Variants in SPART observed in about 807,000 individuals in gnomAD.
SPART encodes the protein spastic paraplegia 20 (Troyer syndrome).
In SPART, 35 loss-of-function variants were observed where a neutral mutation model predicts 58.7. That is an observed-to-expected ratio of 0.60 (90% CI 0.46 to 0.79). The LOEUF (loss-of-function observed/expected upper bound fraction) is 0.79. Among genes scored for constraint, SPART ranks in the 30% least tolerant of loss-of-function variants. SPART has a pLI of 0.00. For missense variants in SPART, 730 were observed against 786.1 expected, an observed-to-expected ratio of 0.93 and a Z score of 0.85; for synonymous variants, 284 against 280.7, an observed-to-expected ratio of 1.01 and a Z score of -0.12.
At chr13:36,323,267 T>C (rs897806080) in intron 5 of SPART, among the ~76,000 whole-genome samples, 1 of 152,170 alleles carries the variant, frequency 6.6e-6, no homozygotes, top group African/African-American at 2.4e-5. Context: ...TCACAACCAC[T>C]AAAGTGTTTC....
chr13:36,322,898 A>G (rs1593243811), intron 5 of SPART, among the ~76,000 whole-genome samples: 1 of 152,224 alleles, frequency 6.6e-6, no homozygotes, highest in South Asian at 2.1e-4. Context: ...GGAAGACTGT[A>G]CTAGGCCAAT....
At chr13:36,332,947 G>C (rs1040253405) in intron 2 of SPART, among the ~76,000 whole-genome samples, 3 of 151,872 alleles carry the variant, frequency 2.0e-5, no homozygotes, top group African/African-American at 7.3e-5. Flanking sequence ...AGTAATAGCA[G>C]TGGTATAGAG....
chr13:36,329,014 T>C (rs185974711), intron 4 of SPART, among the ~76,000 whole-genome samples: 119 of 152,168 alleles, frequency 7.8e-4, no homozygotes, highest in Admixed American at 1.5e-3. Flanking sequence ...GGCAGGAGGA[T>C]CACATGAGCC....
chr13:36,314,478 AC>A (rs1449727578), intron 5 of SPART, 57 bp from the exon 6 acceptor site: 1 of 1,494,194 alleles, frequency 6.7e-7, no homozygotes, highest in African/African-American at 1.4e-5. Context: ...GCTTTTGAAC[AC>A]TTTAATAAAT....
chr13:36,341,460 A>C (rs1424664178), intron 1 of SPART, among the ~76,000 whole-genome samples: 2 of 152,232 alleles, frequency 1.3e-5, no homozygotes, highest in Non-Finnish European at 2.9e-5. Context: ...TGAAGTCTTC[A>C]AAACTCAGTA....
rs202241961 is a variant in SPART, at chr13:36,358,120, GA to G, written c.-3+11968del. On this transcript the variant is annotated intron_variant, in intron 1 of 8. Transcript: ENST00000355182. ...TTCATAAGCAAAGTCACTATTCATA[GA>G]AAAAAAAAGAAAAACCTGCTATTTT... is the stretch of plus-strand genomic sequence containing the variant. Among the ~76,000 whole-genome samples the G allele has an allele frequency of 1.9e-4, 29 of 150,024 alleles. No homozygotes were observed. The South Asian group carries it at 2.5e-3, about 13-fold the overall frequency.
intron 3 of SPART, 97 bp from the exon 4 acceptor site, chr13:36,329,614 TG>T: frequency 7.8e-7 from 1 of 1,288,150 alleles, no homozygotes; most frequent in South Asian, 1.2e-5. Flanking sequence ...CATACTTGTT[TG>T]AATGTCAGTT....
intron 2 of SPART, among the ~76,000 whole-genome samples, chr13:36,332,370 T>C (rs1488163621): frequency 6.6e-6 from 1 of 152,116 alleles, no homozygotes; most frequent in Non-Finnish European, 1.5e-5. Flanking sequence ...TGGTAGTGCA[T>C]GCCTGTAATC....
intron 1 of SPART, among the ~76,000 whole-genome samples, chr13:36,343,857 T>G (rs1387450827): frequency 2.6e-5 from 4 of 152,022 alleles, no homozygotes; most frequent in African/African-American, 9.7e-5. Flanking sequence ...TCAAATCAGT[T>G]CATGGATCAG....
At chr13:36,347,826 A>G (rs954549220), upstream of SPART, among the ~76,000 whole-genome samples, 2 of 152,236 alleles carry the variant, frequency 1.3e-5, no homozygotes, top group Non-Finnish European at 2.9e-5. Flanking sequence ...TATAACTTTT[A>G]AATGTAGCCA....
At chr13:36,321,376 C>G (rs1882366813) in intron 5 of SPART, among the ~76,000 whole-genome samples, 1 of 152,208 alleles carries the variant, frequency 6.6e-6, no homozygotes, top group Non-Finnish European at 1.5e-5. Flanking sequence ...GCTGAATCTC[C>G]TTAGGCGCTC....
At chr13:36,314,034 CT>C (rs1428688675) in intron 6 of SPART, 192 bp downstream of exon 6, 2 of 608,124 alleles carry the variant, frequency 3.3e-6, no homozygotes, top group Non-Finnish European at 5.7e-6. Flanking sequence ...TTCTGCATTT[CT>C]AAGGATTCCA....
At position 36,312,309 on chromosome 13, in the gene SPART, C is replaced by G. The variant is rs1412506075; in HGVS notation, c.1642+10G>C. On this transcript the variant is annotated intron_variant, in intron 7 of 8. Transcript: ENST00000438666. Reference sequence around the variant, plus strand: ...GACCTTCATAGTTAAAATTCTGGGCCCTTTGTTACCTTGAACACTACTTGC... The same window carrying G: ...GACCTTCATAGTTAAAATTCTGGGCGCTTTGTTACCTTGAACACTACTTGC... 9 of 1,613,852 alleles carry G rather than the reference C, an allele frequency of 5.6e-6. No individual in the cohort carries two copies. Among genetic ancestry groups the G allele is most frequent in the South Asian group, 1.1e-5 (1 of 91,080 alleles).
chr13:36,319,872 T>G (rs2137397946), intron 5 of SPART, among the ~76,000 whole-genome samples: 1 of 151,800 alleles, frequency 6.6e-6, no homozygotes, highest in South Asian at 2.1e-4. Flanking sequence ...CTGTTACCTA[T>G]CTCGGCATAA....
At chr13:36,353,754 T>C (rs2137698495) in intron 1 of SPART, among the ~76,000 whole-genome samples, 1 of 152,342 alleles carries the variant, frequency 6.6e-6, no homozygotes, top group Admixed American at 6.5e-5. Flanking sequence ...GGCAGATGTT[T>C]GACCATTTTT....
At position 36,331,616 on chromosome 13, in the gene SPART, G is replaced by GA. The variant is rs780880636; in HGVS notation, c.811-21dup. On this transcript the variant is annotated intron_variant, in intron 2 of 8. Coordinates refer to ENST00000438666, the MANE Select transcript of SPART (RefSeq NM_015087.5). Reference sequence around the variant, plus strand: ...ACAAACCTGAAAGGATTCATTAGAAGAAAAAAAATATACATATAAATAAAT... The same window carrying GA: ...ACAAACCTGAAAGGATTCATTAGAAGAAAAAAAAATATACATATAAATAAAT... 6.5e-6 allele frequency: 10 copies of GA among 1,541,262 alleles called. No individual in the cohort carries two copies. Among genetic ancestry groups the GA allele is most frequent in the South Asian group, 1.1e-5 (1 of 87,012 alleles).
At chr13:36,345,485 G>A (rs1356565066) in intron 1 of SPART, 1 of 152,146 alleles carries the variant, frequency 6.6e-6, no homozygotes, top group Non-Finnish European at 1.5e-5. Flanking sequence ...GTAACAACCT[G>A]GAACGCAAAT....
At chr13:36,326,831 T>C in intron 4 of SPART, 133 bp from the exon 5 acceptor site, 2 of 951,184 alleles carry the variant, frequency 2.1e-6, no homozygotes, top group Non-Finnish European at 3.2e-6. Context: ...CCAACCTAGT[T>C]ACCAGTATGG....
chr13:36,355,330 A>C (rs149318333), intron 1 of SPART, among the ~76,000 whole-genome samples: 11 of 152,222 alleles, frequency 7.2e-5, no homozygotes, highest in Non-Finnish European at 1.5e-4. Context: ...CTAGCTCTAC[A>C]ACATGTATTT....
Sources: gnomAD v4.1 joint callset for allele counts (sites outside exome capture counted in the v4.1 genomes callset) on GRCh38, gnomAD v4.1.1 for gene constraint, MANE v1.5 for transcripts, NCBI Gene and HGNC (gene_info 2026-07-23, HGNC 2026-07-21) for gene names.